Variants in ELFN1 observed in about 807,000 individuals in gnomAD.
ELFN1 encodes the protein extracellular leucine rich repeat and fibronectin type III domain containing 1.
Under a neutral mutation model 7.6 loss-of-function variants are expected in ELFN1, and 6 were observed. The observed-to-expected ratio is 0.79, with a 90% CI of 0.43 to 1.56. The LOEUF (loss-of-function observed/expected upper bound fraction) is 1.56, where lower values mean the gene tolerates loss of function less well. ELFN1 is among the 40% of genes most tolerant of loss of function. The probability of loss-of-function intolerance (pLI) is 0.01; values close to 1 mark genes in which losing one functional copy is unlikely to be tolerated. For synonymous variants in ELFN1, 657 were observed against 588.1 expected, an observed-to-expected ratio of 1.12 and a Z score of -1.70; for missense variants, 1,169 against 1,232.2, an observed-to-expected ratio of 0.95 and a Z score of 0.77.
At chr7:1,728,340 C>A (rs1260013653) in intron 3 of ELFN1, among the ~76,000 whole-genome samples, 1 of 152,268 alleles carries the variant, frequency 6.6e-6, no homozygotes, top group African/African-American at 2.4e-5. Context: ...CTCTTTCAGA[C>A]CAACCGCATT....
intron 1 of ELFN1, among the ~76,000 whole-genome samples, chr7:1,682,303 G>A (rs1051343289): frequency 6.6e-6 from 1 of 152,128 alleles, no homozygotes; most frequent in African/African-American, 2.4e-5. Flanking sequence ...GAGTGTCAGA[G>A]CTTGTTTTGC....
intron 3 of ELFN1, among the ~76,000 whole-genome samples, chr7:1,738,349 C>A (rs1244048324): frequency 1.3e-5 from 2 of 152,150 alleles, no homozygotes; most frequent in Admixed American, 6.5e-5. Flanking sequence ...AGATGCAGGA[C>A]CCCCTGTGGG....
chr7:1,700,065 A>G (rs1396552385), intron 2 of ELFN1, among the ~76,000 whole-genome samples: 1 of 152,148 alleles, frequency 6.6e-6, no homozygotes, highest in Non-Finnish European at 1.5e-5. Context: ...TCAAGCAGCA[A>G]TGGAAATCTT....
intron 2 of ELFN1, among the ~76,000 whole-genome samples, chr7:1,703,721 TA>T (rs1283945804): frequency 6.6e-6 from 1 of 152,208 alleles, no homozygotes; most frequent in Non-Finnish European, 1.5e-5. Context: ...TGTGGAGCCC[TA>T]ATTACCACGG....
At chr7:1,731,010 TAAC>T (rs1288662673) in intron 3 of ELFN1, among the ~76,000 whole-genome samples, 2 of 152,178 alleles carry the variant, frequency 1.3e-5, no homozygotes, top group East Asian at 3.8e-4. Flanking sequence ...TTCTCTGAAC[TAAC>T]AACAGCTAGT....
At chr7:1,674,324 G>A (rs1334350324) in intron 1 of ELFN1, among the ~76,000 whole-genome samples, 1 of 152,172 alleles carries the variant, frequency 6.6e-6, no homozygotes, top group Non-Finnish European at 1.5e-5. Flanking sequence ...GGACTCCTGG[G>A]GCTGTTCTGT....
At chr7:1,719,458 C>G (rs1247993580) in intron 3 of ELFN1, among the ~76,000 whole-genome samples, 1 of 152,232 alleles carries the variant, frequency 6.6e-6, no homozygotes, top group East Asian at 1.9e-4. Context: ...GTCTAATTCC[C>G]GCTTCCGCAG....
intron 3 of ELFN1, among the ~76,000 whole-genome samples, chr7:1,713,238 G>A (rs1447247376): frequency 6.6e-6 from 1 of 152,200 alleles, no homozygotes; most frequent in African/African-American, 2.4e-5. Context: ...CCCGGCAGGT[G>A]GGAGACAGTG....
chr7:1,698,348 C>T (rs1468403515), intron 2 of ELFN1, among the ~76,000 whole-genome samples: 3 of 152,336 alleles, frequency 2.0e-5, no homozygotes, highest in East Asian at 3.9e-4. Flanking sequence ...CTGCGTTGCA[C>T]CCTCGGTGCT....
At position 1,695,273 on chromosome 7, in the gene ELFN1, C is replaced by CTCCCAGCCCT. The variant is rs1027545940; in HGVS notation, c.-456+7131_-456+7140dup. Among the ~76,000 whole-genome samples the CTCCCAGCCCT allele has an allele frequency of 2.0e-5, 3 of 152,204 alleles. No individual in the cohort carries two copies. Among genetic ancestry groups the CTCCCAGCCCT allele is most frequent in the Non-Finnish European group, 2.9e-5 (2 of 68,034 alleles). On this transcript the variant is annotated intron_variant, in intron 2 of 3. Transcript: ENST00000424383. This position sits in a 1 kb window ranked among gnomAD's most constrained non-coding sequence, Gnocchi z 5.1. ...GTAGCGTGCCAGGTGCGTGGCCGGCCTCCCAGCCCTTCCCAGCACCAGCTG... is the reference window on the plus strand; with the variant it reads ...GTAGCGTGCCAGGTGCGTGGCCGGCCTCCCAGCCCTTCCCAGCCCTTCCCAGCACCAGCTG...
intron 3 of ELFN1, among the ~76,000 whole-genome samples, chr7:1,713,795 A>G (rs1779738996): frequency 6.6e-6 from 1 of 152,176 alleles, no homozygotes; most frequent in Non-Finnish European, 1.5e-5. Flanking sequence ...GCTCAAGTGC[A>G]GGGCTGGCAT....
rs140138410 is a variant in ELFN1 at position 1,741,690 on chromosome 7, A to C, written c.-293-2614A>C. Reference sequence around the variant, plus strand: ...AGATGTCAGCCACCGGTGCACACTTAGAGCGTGTTTCCTGCATGCATGCAA... The same window carrying C: ...AGATGTCAGCCACCGGTGCACACTTCGAGCGTGTTTCCTGCATGCATGCAA... On this transcript the variant is annotated intron_variant, in intron 3 of 3. Transcript: ENST00000424383. 4.6e-5 allele frequency among the ~76,000 whole-genome samples: 7 copies of C among 152,304 alleles called. 1 individual carries two copies. Among genetic ancestry groups the C allele is most frequent in the South Asian group, 4.1e-4 (2 of 4,826 alleles).
At position 1,746,996 on chromosome 7, in the gene ELFN1, G is replaced by GC; in HGVS notation, c.2401dup (p.Arg801ProfsTer189). 1 of 1,565,590 alleles carries GC rather than the reference G, an allele frequency of 6.4e-7. No homozygotes were observed. The highest frequency in any genetic ancestry group is 8.6e-7 in the Non-Finnish European group (1 of 1,156,084). ...AGTTCATGGCCGCGGGCCATGCCCT[G>GC]CGCAAGAAGGTTCAGTTCGCCAAAG... On this transcript the variant is annotated frameshift_variant, in exon 4 of 4. Coordinates refer to ENST00000424383, the MANE Select transcript of ELFN1 (RefSeq NM_001128636.4). LOFTEE classifies it high-confidence loss of function.
chr7:1,683,294 C>T lies in ELFN1; in HGVS notation c.-548-4764C>T, dbSNP rs537961491. Among the ~76,000 whole-genome samples, 18 of 151,922 alleles carry T rather than the reference C, an allele frequency of 1.2e-4. No homozygotes were observed. In the South Asian group the frequency reaches 3.5e-3, roughly 30 times the overall value. On this transcript the variant is annotated intron_variant, in intron 1 of 3. Transcript: ENST00000424383. ...CTTCGTGGGAAGATTTCAAATTAAT[C>T]AGTTTGTTTGTTTTTTAACTTGTTA...
intron 2 of ELFN1, chr7:1,693,699 G>A: frequency 2.1e-6 from 1 of 470,930 alleles, no homozygotes; most frequent in South Asian, 1.5e-5. Flanking sequence ...TCTACAGACA[G>A]CTGTGTGCGC....
At chr7:1,704,074 G>C (rs1264051789) in intron 2 of ELFN1, among the ~76,000 whole-genome samples, 1 of 152,204 alleles carries the variant, frequency 6.6e-6, no homozygotes. Flanking sequence ...CCTCCTCGTG[G>C]GGCTGGAGGA....
rs758397436 is a variant in ELFN1 at position 1,747,023 on chromosome 7, C to T, written c.2427C>T (p.Asp809=). ...GCAAGAAGGTTCAGTTCGCCAAAGA[C>T]GAGGATCTGCACGACATCCTGGACT... is the stretch of plus-strand genomic sequence containing the variant. ...ALRKKVQFAK[D]EDLHDILDYW... is the part of the protein sequence containing the mutation. The change falls in exon 4 of 4, where the codon GAC becomes GAT. Residue 809 remains aspartate, a synonymous_variant. Coordinates refer to ENST00000424383, the MANE Select transcript of ELFN1 (RefSeq NM_001128636.4). 14 of 1,559,222 alleles carry T rather than the reference C, an allele frequency of 9.0e-6. No individual in the cohort carries two copies. The East Asian group carries it at 2.4e-4, about 27-fold the overall frequency.
chr7:1,667,481 C>A (rs1778688351), upstream of ELFN1, among the ~76,000 whole-genome samples: 1 of 152,280 alleles, frequency 6.6e-6, no homozygotes, highest in East Asian at 1.9e-4. The surrounding 1 kb of genome is among the most constrained non-coding windows in gnomAD (Gnocchi z 8.2). Flanking sequence ...GAAGCAGCGT[C>A]CCGGCGTCCC....
chr7:1,683,113 G>A (rs1779001917), intron 1 of ELFN1, among the ~76,000 whole-genome samples: 1 of 151,104 alleles, frequency 6.6e-6, no homozygotes, highest in Non-Finnish European at 1.5e-5. Flanking sequence ...TTTCTGTGAT[G>A]TTTTTGGTTT....
Sources: allele counts gnomAD v4.1 joint callset (sites outside exome capture counted in the v4.1 genomes callset), GRCh38; gene constraint gnomAD v4.1.1; non-coding constraint Gnocchi (gnomAD v3.1); transcripts MANE v1.5; gene names NCBI Gene and HGNC (gene_info 2026-07-23, HGNC 2026-07-21).